The following SLC2A13 variants were observed in gnomAD, a reference collection of about 807,000 sequenced individuals.
The protein encoded by SLC2A13 is solute carrier family 2 member 13, also known as proton myo-inositol cotransporter.
In SLC2A13, 32 loss-of-function variants were observed where a neutral mutation model predicts 64.4. The observed-to-expected ratio is 0.50, with a 90% CI of 0.37 to 0.67. The LOEUF (loss-of-function observed/expected upper bound fraction) is 0.67. SLC2A13 is among the 30% of genes least tolerant of loss of function. The pLI is 0.00. For missense variants in SLC2A13, 743 were observed against 829.2 expected (o/e 0.90, Z 1.28); for synonymous variants, 338 against 327.1 (o/e 1.03, Z -0.36).
At position 39,978,459 on chromosome 12, in the gene SLC2A13, GGTGCGCGCACC is replaced by G. The variant is rs763602538; in HGVS notation, c.926-27105_926-27095del. ...GCCAGACAGTGGGCGCAGGCCAGTG[GGTGCGCGCACC>G]GTGCGCGAGCCGAAGCAGGGCGAGG... is the stretch of plus-strand genomic sequence containing the variant. On this transcript the variant is annotated intron_variant, in intron 3 of 9. Transcript: ENST00000280871. Among the ~76,000 whole-genome samples, 676 of 152,298 alleles carry G rather than the reference GGTGCGCGCACC, an allele frequency of 4.4e-3. 7 individuals are homozygous for G. The highest frequency in any genetic ancestry group is 8.9e-3 in the Admixed American group (136 of 15,306).
intron 4 of SLC2A13, among the ~76,000 whole-genome samples, chr12:39,926,411 C>T (rs1945731004): frequency 6.6e-6 from 1 of 152,070 alleles, no homozygotes; most frequent in African/African-American, 2.4e-5. Context: ...ATTTTAAAAA[C>T]TCAGACATAT....
chr12:39,763,595 G>C (rs934320013), intron 9 of SLC2A13, among the ~76,000 whole-genome samples: 5 of 152,050 alleles, frequency 3.3e-5, no homozygotes, highest in African/African-American at 1.2e-4. Context: ...AAAGAGAAAT[G>C]ATAAGTGGCC....
chr12:39,760,407 A>G (rs867712181), intron 9 of SLC2A13, among the ~76,000 whole-genome samples, 155 bp from the exon 10 acceptor site: 6 of 151,998 alleles, frequency 3.9e-5, no homozygotes, highest in Non-Finnish European at 7.4e-5. Flanking sequence ...GTTTACTCCA[A>G]TTGTTCCAAC....
chr12:39,890,895 A>C lies in SLC2A13; in HGVS notation c.1035-18934T>G, dbSNP rs545851014. On this transcript the variant is annotated intron_variant, in intron 4 of 9. Transcript: ENST00000280871. ...TACTCTGATATTAAGTAAAAACCTTACAAAGTGGTACATATTACATAATTT... is the reference window on the plus strand; with the variant it reads ...TACTCTGATATTAAGTAAAAACCTTCCAAAGTGGTACATATTACATAATTT... 1.0e-3 allele frequency among the ~76,000 whole-genome samples: 158 copies of C among 152,304 alleles called. 1 individual carries two copies. The highest frequency in any genetic ancestry group is 3.5e-3 in the African/African-American group (145 of 41,584).
At chr12:40,100,454 A>AACAGT (rs1481132121) in intron 1 of SLC2A13, among the ~76,000 whole-genome samples, 3 of 152,230 alleles carry the variant, frequency 2.0e-5, no homozygotes, top group Non-Finnish European at 2.9e-5. Flanking sequence ...TAATAGTGTT[A>AACAGT]ACAGTACTAT....
At chr12:39,942,551 A>G (rs1055187297) in intron 4 of SLC2A13, among the ~76,000 whole-genome samples, 9 of 152,144 alleles carry the variant, frequency 5.9e-5, no homozygotes, top group Admixed American at 5.2e-4. Context: ...TGATTTGTGT[A>G]TATTAATCTT....
intron 2 of SLC2A13, among the ~76,000 whole-genome samples, chr12:40,037,859 T>A (rs1207952200): frequency 6.6e-6 from 1 of 152,182 alleles, no homozygotes; most frequent in Non-Finnish European, 1.5e-5. Context: ...ATTATCCTCA[T>A]AATGTCCATA....
intron 1 of SLC2A13, among the ~76,000 whole-genome samples, chr12:40,084,439 A>G (rs910218246): frequency 6.6e-6 from 1 of 152,220 alleles, no homozygotes; most frequent in South Asian, 2.1e-4. Flanking sequence ...GATGTCTTAA[A>G]TAACAAGAAA....
At chr12:39,886,147 T>C (rs538168568) in intron 4 of SLC2A13, among the ~76,000 whole-genome samples, 9 of 152,118 alleles carry the variant, frequency 5.9e-5, no homozygotes, top group African/African-American at 1.9e-4. Context: ...TTTCCAAATA[T>C]CAGGAAAGAA....
chr12:39,881,491 C>A (rs189256606), intron 4 of SLC2A13, among the ~76,000 whole-genome samples: 1 of 152,144 alleles, frequency 6.6e-6, no homozygotes, highest in Admixed American at 6.6e-5. Context: ...CTTTTCACCT[C>A]GCCTCATCAT....
Position 39,830,194 on chromosome 12 carries a change from C to T in SLC2A13, c.1354G>A (p.Gly452Ser), listed in dbSNP as rs758160019. ...CNECMLDPDC[G>S]FCYKMNKSTV... ...GATTTGTTCATCTTGTAGCAGAAACCGCAGTCTGGATCCAACATACATTCA... is the reference window on the plus strand; with the variant it reads ...GATTTGTTCATCTTGTAGCAGAAACTGCAGTCTGGATCCAACATACATTCA... Residue 452 changes from glycine to serine, a missense_variant, in exon 7 of 10, where the codon GGT (glycine) becomes AGT (serine). Around this residue, in one of 2 missense-constraint regions of SLC2A13, gnomAD observed 295 missense variants for 381.7 expected, o/e 0.77. Coordinates refer to ENST00000280871, the MANE Select transcript of SLC2A13 (RefSeq NM_052885.4). 1.9e-6 allele frequency: 3 copies of T among 1,613,418 alleles called. No individual in the cohort carries two copies. The highest frequency in any genetic ancestry group is 1.7e-5 in the Admixed American group (1 of 59,900).
intron 7 of SLC2A13, among the ~76,000 whole-genome samples, chr12:39,783,824 C>T (rs1007362421): frequency 9.2e-5 from 14 of 152,084 alleles, no homozygotes; most frequent in Admixed American, 8.5e-4. Flanking sequence ...ATTTAGAAAA[C>T]CCCATCGTCG....
chr12:39,907,401 ATAATT>A (rs1945316883), intron 4 of SLC2A13, among the ~76,000 whole-genome samples: 1 of 152,176 alleles, frequency 6.6e-6, no homozygotes, highest in Admixed American at 6.6e-5. Flanking sequence ...AAGCCAATCC[ATAATT>A]TATAAGACTC....
At chr12:40,104,735 G>C (rs547160505) in intron 1 of SLC2A13, among the ~76,000 whole-genome samples, 2 of 152,198 alleles carry the variant, frequency 1.3e-5, no homozygotes, top group Non-Finnish European at 2.9e-5. Context: ...GGCAGGGGTC[G>C]CTAATAAACC....
intron 2 of SLC2A13, among the ~76,000 whole-genome samples, chr12:40,042,528 T>C (rs775273033): frequency 8.5e-5 from 13 of 152,180 alleles, no homozygotes; most frequent in Non-Finnish European, 1.6e-4. Flanking sequence ...TAATTAATGA[T>C]TTAATTTTTA....
chr12:39,954,426 G>GT (rs1210760005), intron 3 of SLC2A13, among the ~76,000 whole-genome samples: 1 of 152,154 alleles, frequency 6.6e-6, no homozygotes, highest in Admixed American at 6.5e-5. Flanking sequence ...CAGTGTAGGT[G>GT]TGTGAGGAAA....
chr12:39,846,201 G>A (rs141369874), intron 6 of SLC2A13, among the ~76,000 whole-genome samples: 1 of 152,100 alleles, frequency 6.6e-6, no homozygotes, highest in East Asian at 1.9e-4. Context: ...AAACCAAGGT[G>A]GTGAATACTT....
At chr12:39,906,716 T>C (rs1945293084) in intron 4 of SLC2A13, among the ~76,000 whole-genome samples, 1 of 152,088 alleles carries the variant, frequency 6.6e-6, no homozygotes, top group Non-Finnish European at 1.5e-5. Context: ...ATTAAATCAA[T>C]TACTAAAATT....
rs572997673 is a variant in SLC2A13, at chr12:39,777,364, A to C, written c.1446-12506T>G. Reference sequence around the variant, plus strand: ...AAATGAGTTTATTTAGATGAAGGTCATCAAATTAAAATTATAGAAATCTAC... The same window carrying C: ...AAATGAGTTTATTTAGATGAAGGTCCTCAAATTAAAATTATAGAAATCTAC... On this transcript the variant is annotated intron_variant, in intron 7 of 9. Transcript: ENST00000280871. 6.5e-4 allele frequency among the ~76,000 whole-genome samples: 99 copies of C among 152,290 alleles called. 1 individual carries two copies. The highest frequency in any genetic ancestry group is 2.2e-3 in the African/African-American group (92 of 41,522).
Sources: gnomAD v4.1 joint callset for allele counts (sites outside exome capture counted in the v4.1 genomes callset) on GRCh38, gnomAD v4.1.1 for gene constraint, gnomAD v4.1.1 regional missense constraint, MANE v1.5 for transcripts, NCBI Gene and HGNC (gene_info 2026-07-23, HGNC 2026-07-21) for gene names.